Variants in OPHN1 observed in about 807,000 individuals in gnomAD.
The protein encoded by OPHN1 is oligophrenin-1.
In OPHN1, 11 loss-of-function variants were observed where a neutral mutation model predicts 60.7. The observed-to-expected ratio is 0.18, with a 90% CI of 0.11 to 0.30. The LOEUF (loss-of-function observed/expected upper bound fraction) is 0.30, where lower values mean the gene tolerates loss of function less well. OPHN1 is among the 10% of genes least tolerant of loss of function. The probability of loss-of-function intolerance (pLI) is 1.00; values close to 1 mark genes in which losing one functional copy is unlikely to be tolerated. For synonymous variants in OPHN1, 226 were observed against 222.6 expected (o/e 1.02, Z -0.14); for missense variants, 449 against 611.0 (o/e 0.73, Z 2.80).
At position 68,055,952 on chromosome X, in the gene OPHN1, A is replaced by G. The variant is rs2076871191; in HGVS notation, c.2159-2142T>C. Among the ~76,000 whole-genome samples the G allele has an allele frequency of 2.7e-5, 3 of 111,067 alleles. 1 individual carries two copies. In the Admixed American group the frequency reaches 2.9e-4, roughly 11 times the overall value. ...GGAACATCACACACCAGGACCTGTCATGGGGTGGGAGGAGCGGGGAGGGAT... is the reference window on the plus strand; with the variant it reads ...GGAACATCACACACCAGGACCTGTCGTGGGGTGGGAGGAGCGGGGAGGGAT... On this transcript the variant is annotated intron_variant, in intron 21 of 24. Transcript: ENST00000355520.
intron 2 of OPHN1, among the ~76,000 whole-genome samples, chrX:68,427,007 T>C (rs918950869): frequency 9.5e-6 from 1 of 105,546 alleles, no homozygotes; most frequent in African/African-American, 3.4e-5. Flanking sequence ...ATCACAGCAC[T>C]TTGGGAGGCT....
At chrX:68,220,466 G>C (rs2077648798) in intron 6 of OPHN1, among the ~76,000 whole-genome samples, 1 of 109,580 alleles carries the variant, frequency 9.1e-6, no homozygotes, top group South Asian at 4.0e-4. Flanking sequence ...AAGCCTGGCA[G>C]AGACACAACA....
intron 15 of OPHN1, among the ~76,000 whole-genome samples, chrX:68,130,076 G>A (rs2077187622): frequency 9.0e-6 from 1 of 111,486 alleles, no homozygotes; most frequent in East Asian, 2.8e-4. Context: ...ACAAGTGTGT[G>A]TCCTAAGTAA....
intron 6 of OPHN1, among the ~76,000 whole-genome samples, chrX:68,225,747 T>G (rs761060958): frequency 9.0e-6 from 1 of 111,366 alleles, no homozygotes; most frequent in Non-Finnish European, 1.9e-5. Context: ...AGACCAAAGG[T>G]AGATAAAACC....
chrX:68,335,568 T>C (rs1251846233), intron 2 of OPHN1, among the ~76,000 whole-genome samples: 1 of 112,078 alleles, frequency 8.9e-6, no homozygotes, highest in East Asian at 2.8e-4. Context: ...ATCCACAGTG[T>C]CACACGATGT....
At chrX:68,306,451 G>A (rs1365531588) in intron 2 of OPHN1, among the ~76,000 whole-genome samples, 1 of 111,686 alleles carries the variant, frequency 9.0e-6, no homozygotes, top group Admixed American at 9.6e-5. Context: ...AGATTGGGGA[G>A]GAATCAGTAA....
chrX:68,262,829 A>C (rs79878783), intron 5 of OPHN1, among the ~76,000 whole-genome samples: 16 of 98,023 alleles, frequency 1.6e-4, no homozygotes, highest in East Asian at 1.4e-3. Context: ...CAAGAAAGGA[A>C]AGGACAGGAC....
chrX:68,221,983 A>G (rs1445166329), intron 6 of OPHN1, among the ~76,000 whole-genome samples: 1 of 108,139 alleles, frequency 9.2e-6, no homozygotes, highest in Non-Finnish European at 1.9e-5. Flanking sequence ...CCATCAGAGC[A>G]AACAGGCAAC....
intron 2 of OPHN1, among the ~76,000 whole-genome samples, chrX:68,346,168 C>G (rs2078378071): frequency 9.0e-6 from 1 of 111,709 alleles, no homozygotes; most frequent in Non-Finnish European, 1.9e-5. Context: ...TTAAAAGAAA[C>G]CACAGAGACT....
At chrX:68,393,885 G>GTTCTTTTTTTTTTT (rs2078667060) in intron 2 of OPHN1, among the ~76,000 whole-genome samples, 1 of 34,587 alleles carries the variant, frequency 2.9e-5, no homozygotes, top group Non-Finnish European at 4.9e-5. Context: ...AATAGACTTT[G>GTTCTTTTTTTTTTT]TTTTTTTTTT....
chrX:68,090,205 C>T (rs1258646508), intron 19 of OPHN1, among the ~76,000 whole-genome samples: 1 of 108,463 alleles, frequency 9.2e-6, no homozygotes, highest in African/African-American at 3.4e-5. Flanking sequence ...TCTCTCTTTA[C>T]ACATACTGAC....
chrX:68,398,273 T>C (rs954858184), intron 2 of OPHN1, among the ~76,000 whole-genome samples: 1 of 112,077 alleles, frequency 8.9e-6, no homozygotes, highest in Admixed American at 9.5e-5. Flanking sequence ...ACCTAAATGA[T>C]CCCCTTATTC....
At chrX:68,074,510 C>T (rs1177744867) in intron 19 of OPHN1, among the ~76,000 whole-genome samples, 3 of 111,159 alleles carry the variant, frequency 2.7e-5, no homozygotes, top group Admixed American at 9.5e-5. Context: ...TGCTATTTTT[C>T]GAATACATGA....
At chrX:68,193,411 C>G (rs990006080) in intron 14 of OPHN1, among the ~76,000 whole-genome samples, 2 of 111,349 alleles carry the variant, frequency 1.8e-5, no homozygotes, top group African/African-American at 6.5e-5. Context: ...TTTCCTGCAC[C>G]AAGAAAGACT....
chrX:68,086,810 T>C (rs1310900498), intron 19 of OPHN1, among the ~76,000 whole-genome samples: 4 of 111,310 alleles, frequency 3.6e-5, no homozygotes, highest in Non-Finnish European at 7.5e-5. Flanking sequence ...TCCTAACTCA[T>C]AGACAGACTA....
At chrX:68,074,562 C>T (rs1371818347) in intron 19 of OPHN1, among the ~76,000 whole-genome samples, 1 of 111,438 alleles carries the variant, frequency 9.0e-6, no homozygotes, top group African/African-American at 3.3e-5. Context: ...ACTGATCTTC[C>T]TTCAGATATC....
At position 68,154,501 on chromosome X, in the gene OPHN1, T is replaced by C. The variant is rs6625279; in HGVS notation, c.1277-35169A>G. Among the ~76,000 whole-genome samples, 8 of 112,554 alleles carry C rather than the reference T, an allele frequency of 7.1e-5. No individual in the cohort carries two copies. In the East Asian group the frequency reaches 2.3e-3, roughly 32 times the overall value. On this transcript the variant is annotated intron_variant, in intron 15 of 24. Transcript: ENST00000355520. ...TTCTTCCTCATCTCTCTTGGAATAA[T>C]TCTCTCATATTTAATGTTTGACACA...
chrX:68,404,767 G>A (rs1478551307), intron 2 of OPHN1, among the ~76,000 whole-genome samples: 1 of 112,105 alleles, frequency 8.9e-6, no homozygotes, highest in Non-Finnish European at 1.9e-5. Context: ...AAGAAGTTCT[G>A]ACACATGCTA....
chrX:68,213,519 G>A (rs1436954540), intron 7 of OPHN1, among the ~76,000 whole-genome samples: 1 of 110,156 alleles, frequency 9.1e-6, no homozygotes, highest in Non-Finnish European at 1.9e-5. Context: ...TCTGGTATAT[G>A]AGAAAGACTT....
Sources: allele counts gnomAD v4.1 joint callset (sites outside exome capture counted in the v4.1 genomes callset), GRCh38; gene constraint gnomAD v4.1.1; transcripts MANE v1.5; gene names NCBI Gene and HGNC (gene_info 2026-07-23, HGNC 2026-07-21).